Variants in ABCC9 observed in about 807,000 individuals in gnomAD.
The protein encoded by ABCC9 is ATP-binding cassette sub-family C member 9.
Under a neutral mutation model 188.3 loss-of-function variants are expected in ABCC9, and 95 were observed. That is an observed-to-expected ratio of 0.50 (90% CI 0.43 to 0.60). The LOEUF is 0.60. Ranked by LOEUF, ABCC9 falls within the 20% of genes least tolerant of loss-of-function variation. The pLI is 0.00. For missense variants in ABCC9, 1,102 were observed against 1,876.3 expected, an observed-to-expected ratio of 0.59 and a Z score of 7.62; for synonymous variants, 659 against 652.7, an observed-to-expected ratio of 1.01 and a Z score of -0.15.
At chr12:21,846,968 T>C (rs572407931) in intron 25 of ABCC9, among the ~76,000 whole-genome samples, 93 of 152,154 alleles carry the variant, frequency 6.1e-4, no homozygotes, top group South Asian at 1.7e-3. Flanking sequence ...GTTGAGTCTC[T>C]TAAGACTCAA....
chr12:21,880,134 G>T (rs1019345467), intron 16 of ABCC9, among the ~76,000 whole-genome samples: 5 of 150,734 alleles, frequency 3.3e-5, no homozygotes, highest in South Asian at 4.2e-4. Context: ...TTGGGAAAAT[G>T]ACTACTACTA....
chr12:21,835,513 A>T (rs903843436), intron 30 of ABCC9, among the ~76,000 whole-genome samples: 4 of 152,226 alleles, frequency 2.6e-5, no homozygotes, highest in African/African-American at 4.8e-5. Flanking sequence ...CAGCAATGAG[A>T]TAGGCACTGG....
chr12:21,871,792 C>G (rs145026571), intron 18 of ABCC9, among the ~76,000 whole-genome samples: 87 of 152,190 alleles, frequency 5.7e-4, no homozygotes, highest in African/African-American at 2.0e-3. Context: ...AGTGTAAAAC[C>G]AAAAATGTCT....
chr12:21,858,052 A>T (rs1012443804), intron 22 of ABCC9, among the ~76,000 whole-genome samples: 1 of 152,160 alleles, frequency 6.6e-6, no homozygotes, highest in African/African-American at 2.4e-5. Context: ...AAAGGGTGGG[A>T]ATTGACAATA....
intron 30 of ABCC9, among the ~76,000 whole-genome samples, chr12:21,833,919 G>A (rs916293069): frequency 1.3e-5 from 2 of 151,990 alleles, no homozygotes; most frequent in Admixed American, 6.6e-5. Flanking sequence ...AAATGAAAAC[G>A]CAATAGTAAA....
At chr12:21,934,594 G>GTAC (rs1012283561) in intron 3 of ABCC9, among the ~76,000 whole-genome samples, 15 of 151,266 alleles carry the variant, frequency 9.9e-5, no homozygotes, top group African/African-American at 3.6e-4. Flanking sequence ...TCTCCCTAAA[G>GTAC]TACTATACAG....
intron 3 of ABCC9, among the ~76,000 whole-genome samples, chr12:21,935,733 T>C (rs899487972): frequency 2.0e-5 from 3 of 152,096 alleles, no homozygotes; most frequent in Non-Finnish European, 4.4e-5. Flanking sequence ...CTTTCATTCT[T>C]ATTTCTATAT....
intron 12 of ABCC9, 65 bp downstream of exon 12, chr12:21,906,061 G>A: frequency 6.6e-7 from 1 of 1,519,538 alleles, no homozygotes; most frequent in South Asian, 1.1e-5. Context: ...AATCTAAACT[G>A]AATAGACTGT....
In ABCC9 at chr12:21,844,747, A is replaced by T. The variant is rs1244693749; in HGVS notation, c.3245+20T>A. Reference sequence around the variant, plus strand: ...TTTTATTATTTTATGTGTGGGAGTGAGAAATAACCACTGTTTTACCTTATT... The same window carrying T: ...TTTTATTATTTTATGTGTGGGAGTGTGAAATAACCACTGTTTTACCTTATT... On this transcript the variant is annotated intron_variant, in intron 27 of 39. Transcript: ENST00000261200. 6.2e-7 allele frequency: 1 copy of T among 1,613,554 alleles called. No homozygotes were observed. The highest frequency in any genetic ancestry group is 1.1e-5 in the South Asian group (1 of 91,072).
At chr12:21,863,182 A>G (rs957541847) in intron 19 of ABCC9, 128 bp from the exon 20 acceptor site, 4 of 673,434 alleles carry the variant, frequency 5.9e-6, no homozygotes, top group Non-Finnish European at 1.0e-5. Context: ...GAAAACTTCT[A>G]AAAGAGAAAA....
chr12:21,814,625 A>C lies in ABCC9; in HGVS notation c.4102+19T>G. On this transcript the variant is annotated intron_variant, in intron 35 of 39. Coordinates refer to ENST00000261200, the MANE Select transcript of ABCC9 (RefSeq NM_020297.4). ...GAAAGCACCAAGTGGCCACTTAAAA[A>C]ATTTAGTTAGCAACTCACCATCAAA... is the stretch of plus-strand genomic sequence containing the variant. 2 of 1,611,554 alleles carry C rather than the reference A, an allele frequency of 1.2e-6. No homozygotes were observed. The highest frequency in any genetic ancestry group is 1.7e-6 in the Non-Finnish European group (2 of 1,177,876).
intron 4 of ABCC9, among the ~76,000 whole-genome samples, chr12:21,929,360 C>T (rs1168916774): frequency 3.3e-5 from 5 of 151,630 alleles, no homozygotes; most frequent in East Asian, 3.9e-4. Context: ...GATTCCTAAA[C>T]CTAGGAGAGT....
At chr12:21,921,122 T>C (rs995406327) in intron 5 of ABCC9, among the ~76,000 whole-genome samples, 1 of 152,182 alleles carries the variant, frequency 6.6e-6, no homozygotes, top group East Asian at 1.9e-4. Flanking sequence ...GTAGCTCAAC[T>C]TTTTGTTTTT....
chr12:21,836,236 A>T (rs1592028058), intron 30 of ABCC9, among the ~76,000 whole-genome samples: 2 of 152,134 alleles, frequency 1.3e-5, no homozygotes, highest in African/African-American at 4.8e-5. Context: ...CTCTGATCAT[A>T]TCACTTTCCT....
chr12:21,920,936 G>C (rs1451905201), intron 5 of ABCC9, among the ~76,000 whole-genome samples: 1 of 151,906 alleles, frequency 6.6e-6, no homozygotes, highest in African/African-American at 2.4e-5. Context: ...CTCCATTGTG[G>C]TACATGTATC....
At chr12:21,921,855 C>A (rs752765215) in intron 5 of ABCC9, among the ~76,000 whole-genome samples, 3 of 151,866 alleles carry the variant, frequency 2.0e-5, no homozygotes, top group Non-Finnish European at 4.4e-5. Context: ...ATGTTCTTGG[C>A]CCTTTTTAAA....
At chr12:21,903,605 CA>C (rs1947880968) in intron 12 of ABCC9, among the ~76,000 whole-genome samples, 1 of 152,114 alleles carries the variant, frequency 6.6e-6, no homozygotes, top group Non-Finnish European at 1.5e-5. Context: ...AATCAATGTG[CA>C]AAAATCACAA....
At chr12:21,917,880 A>T (rs1948664754) in intron 5 of ABCC9, among the ~76,000 whole-genome samples, 1 of 152,230 alleles carries the variant, frequency 6.6e-6, no homozygotes, top group Non-Finnish European at 1.5e-5. Flanking sequence ...AAGAAATCTA[A>T]GACACACATA....
At chr12:21,937,689 C>T (rs758054750) in intron 2 of ABCC9, among the ~76,000 whole-genome samples, 3 of 152,152 alleles carry the variant, frequency 2.0e-5, no homozygotes, top group Non-Finnish European at 4.4e-5. Flanking sequence ...TATTTAAGTT[C>T]TGGGCACTTT....
Sources: gnomAD v4.1 joint callset for allele counts (sites outside exome capture counted in the v4.1 genomes callset) on GRCh38, gnomAD v4.1.1 for gene constraint, MANE v1.5 for transcripts, NCBI Gene and HGNC (gene_info 2026-07-23, HGNC 2026-07-21) for gene names.